HCCS: variants seen among roughly 807,000 people sequenced by gnomAD.
The protein encoded by HCCS is holocytochrome c synthase.
A neutral mutation model predicts 24.2 loss-of-function variants in HCCS; 2 were observed. The ratio of observed to expected loss-of-function variants is 0.08; its 90% CI spans 0.03 to 0.26. HCCS has a LOEUF of 0.26. Among genes scored for constraint, HCCS ranks in the 10% least tolerant of loss-of-function variants. The pLI, the probability that HCCS is intolerant of heterozygous loss-of-function variation, is 1.00. For synonymous variants in HCCS, 73 were observed against 76.2 expected, an observed-to-expected ratio of 0.96 and a Z score of 0.22; for missense variants, 150 against 213.3, an observed-to-expected ratio of 0.70 and a Z score of 1.85.
rs975351723 is a variant in HCCS at position 11,121,913 on chromosome X, A to G, written c.*103A>G. The G allele has an allele frequency of 4.6e-6, 3 of 652,538 alleles. No individual in the cohort carries two copies. The highest frequency in any genetic ancestry group is 4.7e-4 in the Middle Eastern group (1 of 2,145). The allele number at this position is 652,538 out of a possible 1,213,427, so 53.8% of individuals were successfully genotyped here. A position where few individuals can be genotyped will look rare whatever the true frequency, so the allele number is the denominator to read the frequency against. On this transcript the variant is annotated 3_prime_UTR_variant, in exon 7 of 7. Transcript: ENST00000380762. ...CACTCATGATGTAATGGGAACTTCAAGTGGGTAATCACACTTTTTCCTTCA... is the reference window on the plus strand; with the variant it reads ...CACTCATGATGTAATGGGAACTTCAGGTGGGTAATCACACTTTTTCCTTCA...
At chrX:11,113,658 T>A (rs2045428425) in intron 2 of HCCS, among the ~76,000 whole-genome samples, 1 of 112,312 alleles carries the variant, frequency 8.9e-6, no homozygotes, top group African/African-American at 3.2e-5. Flanking sequence ...CTTGGAGAGC[T>A]GCCAGACTTA....
At chrX:11,121,044 C>T (rs1362780301) in intron 6 of HCCS, 51 bp downstream of exon 6, 1 of 980,830 alleles carries the variant, frequency 1.0e-6, no homozygotes. Context: ...TCAGGGTCAA[C>T]TTTCTCTTCA....
At position 11,121,396 on chromosome X, in the gene HCCS, T is replaced by A. The variant is rs771704985; in HGVS notation, c.609-216T>A. Among the ~76,000 whole-genome samples, 9 of 112,507 alleles carry A rather than the reference T, an allele frequency of 8.0e-5. No individual in the cohort carries two copies. The East Asian group carries it at 2.0e-3, about 24-fold the overall frequency. The stretch of plus-strand genomic sequence containing the variant: ...CTTCCCCATTGGCCTTATTCCTTTG[T>A]AGACAGATGAGCTGTCATCTGATAC... On this transcript the variant is annotated intron_variant, in intron 6 of 6. Transcript: ENST00000380762.
intron 3 of HCCS, 81 bp from the exon 4 acceptor site, chrX:11,117,186 T>G (rs2045454482): frequency 1.1e-5 from 9 of 805,166 alleles, no homozygotes; most frequent in Non-Finnish European, 1.5e-5. Context: ...TTTTGTGTGA[T>G]GTATTGCTTT....
chrX:11,117,460 T>G, intron 4 of HCCS, 45 bp downstream of exon 4: 2 of 1,078,143 alleles, frequency 1.9e-6, no homozygotes, highest in Non-Finnish European at 2.6e-6. Flanking sequence ...TGTCAGAATA[T>G]CCAAGAGTTA....
At chrX:11,115,060 C>G (rs1255388833) in intron 3 of HCCS, 74 bp downstream of exon 3, 7 of 862,554 alleles carry the variant, frequency 8.1e-6, no homozygotes, top group Middle Eastern at 3.2e-4. Flanking sequence ...AGACAAGTTG[C>G]AAATGGCTAG....
chrX:11,112,593 G>A (rs1211526598), intron 2 of HCCS, among the ~76,000 whole-genome samples: 1 of 112,666 alleles, frequency 8.9e-6, no homozygotes, highest in East Asian at 2.8e-4. Context: ...TCTTATTGAG[G>A]TTTGTGACTC....
chrX:11,121,388 T>C (rs1389373733), intron 6 of HCCS, among the ~76,000 whole-genome samples: 2 of 112,451 alleles, frequency 1.8e-5, no homozygotes, highest in Non-Finnish European at 3.8e-5. Flanking sequence ...ATTGGCCTTA[T>C]TCCTTTGTAG....
At position 11,122,766 on chromosome X, in the gene HCCS, TTTTG is replaced by T. The variant is rs778496475; in HGVS notation, c.*964_*967del. On this transcript the variant is annotated 3_prime_UTR_variant, in exon 7 of 7. Transcript: ENST00000380762. ...AACGCTTCAACTCAGTCTAGATTTT[TTTTG>T]TTTGTTTTAAGGAAGCTCTAAGTTT... The T allele has an allele frequency of 4.4e-5, 5 of 112,748 alleles. No individual in the cohort carries two copies. Among genetic ancestry groups the T allele is most frequent in the Non-Finnish European group, 9.4e-5 (5 of 53,332 alleles). The allele number at this position is 112,748 out of a possible 1,213,427, so 9.3% of individuals were successfully genotyped here.
At chrX:11,113,835 T>G (rs2045430041) in intron 2 of HCCS, among the ~76,000 whole-genome samples, 1 of 112,310 alleles carries the variant, frequency 8.9e-6, no homozygotes, top group Admixed American at 9.4e-5. Flanking sequence ...CAAGTCTTCC[T>G]TCACCCCTAA....
intron 2 of HCCS, among the ~76,000 whole-genome samples, chrX:11,114,078 G>T (rs915093933): frequency 4.4e-5 from 5 of 112,774 alleles, no homozygotes; most frequent in Non-Finnish European, 9.4e-5. Flanking sequence ...CAGCATCCTG[G>T]GTCTTTGGGC....
At chrX:11,117,156 T>G in intron 3 of HCCS, 111 bp from the exon 4 acceptor site, 1 of 668,783 alleles carries the variant, frequency 1.5e-6, no homozygotes, top group East Asian at 3.2e-5. Flanking sequence ...ATGTCACTGA[T>G]TTAATAAGTA....
Position 11,121,827 on chromosome X carries a change from G to GA in HCCS, c.*22dup, listed in dbSNP as rs763383781. 6.0e-4 allele frequency: 696 copies of GA among 1,166,085 alleles called. 3 individuals carry two copies. Among genetic ancestry groups the GA allele is most frequent in the Non-Finnish European group, 6.5e-4 (560 of 856,495 alleles). On this transcript the variant is annotated 3_prime_UTR_variant, in exon 7 of 7. Coordinates refer to ENST00000380762, the MANE Select transcript of HCCS (RefSeq NM_005333.5). Reference sequence around the variant, plus strand: ...ACCTCGTAAAGCACTGTTTCAGATGGAAAAATATAAACTATTTTTTTCTGA... The same window carrying GA: ...ACCTCGTAAAGCACTGTTTCAGATGGAAAAAATATAAACTATTTTTTTCTGA...
At chrX:11,116,067 T>C (rs891777821) in intron 3 of HCCS, 1 of 112,069 alleles carries the variant, frequency 8.9e-6, no homozygotes, top group African/African-American at 3.3e-5. Context: ...ACTTTTCTTG[T>C]GGTCACTTTT....
At chrX:11,117,907 A>C (rs1290731205) in intron 4 of HCCS, among the ~76,000 whole-genome samples, 2 of 111,775 alleles carry the variant, frequency 1.8e-5, no homozygotes. Flanking sequence ...CCTTTTTGTC[A>C]TTCAGGTCTG....
Position 11,121,882 on chromosome X carries a change from G to T in HCCS, c.*72G>T. 1.2e-6 allele frequency: 1 copy of T among 863,497 alleles called. No homozygotes were observed. The highest frequency in any genetic ancestry group is 2.1e-5 in the South Asian group (1 of 46,811). 71.2% of individuals were successfully genotyped at this position (863,497 alleles called of 1,213,427 possible). A position where few individuals can be genotyped will look rare whatever the true frequency, so the allele number is the denominator to read the frequency against. On this transcript the variant is annotated 3_prime_UTR_variant, in exon 7 of 7. Coordinates refer to ENST00000380762, the MANE Select transcript of HCCS (RefSeq NM_005333.5). Reference sequence around the variant, plus strand: ...TACATTAAACTATTTTCCCCAGATTGAATTGCACTCATGATGTAATGGGAA... The same window carrying T: ...TACATTAAACTATTTTCCCCAGATTTAATTGCACTCATGATGTAATGGGAA...
Position 11,121,099 on chromosome X carries a change from A to T in HCCS, c.608+106A>T, listed in dbSNP as rs1276826929. The T allele has an allele frequency of 8.0e-6, 5 of 627,020 alleles. No homozygotes were observed. In the African/African-American group the frequency reaches 1.1e-4, roughly 14 times the overall value. The allele number at this position is 627,020 out of a possible 1,213,427, so 51.7% of individuals were successfully genotyped here. A position where few individuals can be genotyped will look rare whatever the true frequency, so the allele number is the denominator to read the frequency against. ...ATTGCAGTGCCATCTTGCAAAACTT[A>T]ATGCATATTCAACTGTAGATGTCTT... On this transcript the variant is annotated intron_variant, in intron 6 of 6. Coordinates refer to ENST00000380762, the MANE Select transcript of HCCS (RefSeq NM_005333.5).
chrX:11,111,473 A>G lies in HCCS; in HGVS notation c.-88A>G. On this transcript the variant is annotated 5_prime_UTR_variant, in exon 1 of 7. Coordinates refer to ENST00000380762, the MANE Select transcript of HCCS (RefSeq NM_005333.5). ...GGGGAGGGCTTAGGTGCAGAAGGGC[A>G]GGCTGGCCGCGGCCGGTTTGGTCTG... 7.1e-6 allele frequency: 1 copy of G among 141,680 alleles called. No individual in the cohort carries two copies. Among genetic ancestry groups the G allele is most frequent in the Non-Finnish European group, 1.4e-5 (1 of 71,946 alleles). The allele number at this position is 141,680 out of a possible 1,213,427, so 11.7% of individuals were successfully genotyped here.
intron 2 of HCCS, 102 bp from the exon 3 acceptor site, chrX:11,114,733 G>A (rs2045435634): frequency 1.4e-6 from 1 of 722,443 alleles, no homozygotes; most frequent in Admixed American, 2.2e-5. Context: ...TTTTCCTATG[G>A]TGGTAATCAT....
Sources: gnomAD v4.1 joint callset for allele counts (sites outside exome capture counted in the v4.1 genomes callset) on GRCh38, gnomAD v4.1.1 for gene constraint, MANE v1.5 for transcripts, NCBI Gene and HGNC (gene_info 2026-07-23, HGNC 2026-07-21) for gene names.